SPATA9: variants seen among roughly 807,000 people sequenced by gnomAD.
SPATA9 encodes spermatogenesis associated 9.
Under a neutral mutation model 25.5 loss-of-function variants are expected in SPATA9, and 27 were observed. The observed-to-expected ratio is 1.06, with a 90% CI of 0.78 to 1.46. The LOEUF (loss-of-function observed/expected upper bound fraction) is 1.46. Ranked by LOEUF, SPATA9 falls within the 40% of genes most tolerant of loss-of-function variation. The pLI is 0.00. For missense variants in SPATA9, 282 were observed against 297.5 expected (o/e 0.95, Z 0.38); for synonymous variants, 102 against 105.7 (o/e 0.97, Z 0.21).
intron 2 of SPATA9, among the ~76,000 whole-genome samples, chr5:95,678,743 G>A (rs987073290): frequency 6.6e-6 from 1 of 152,206 alleles, no homozygotes; most frequent in African/African-American, 2.4e-5. Context: ...AAAATTTGCC[G>A]CACTTACAAT....
chr5:95,716,239 A>G, the SPATA9 span, among the ~76,000 whole-genome samples: 1 of 152,198 alleles, frequency 6.6e-6, no homozygotes, highest in Non-Finnish European at 1.5e-5. Flanking sequence ...GCACCTAGAA[A>G]AGCCACAGAC....
intron 1 of SPATA9, among the ~76,000 whole-genome samples, chr5:95,693,832 G>T (rs1561420502): frequency 6.6e-6 from 1 of 152,082 alleles, no homozygotes. Context: ...AATCTTCCAT[G>T]TTGGAAATAG....
At chr5:95,708,555 A>AT in the SPATA9 span, 1 of 695,770 alleles carries the variant, frequency 1.4e-6, no homozygotes, top group Non-Finnish European at 2.6e-6. Flanking sequence ...AGAAAAACTG[A>AT]TAAGTATCTC....
At chr5:95,704,082 AAC>A in the SPATA9 span, among the ~76,000 whole-genome samples, 1 of 150,290 alleles carries the variant, frequency 6.7e-6, no homozygotes, top group Admixed American at 6.6e-5. Flanking sequence ...CACACACACA[AAC>A]ACACAGTCTC....
chr5:95,732,024 C>G, the SPATA9 span: 1 of 1,614,192 alleles, frequency 6.2e-7, no homozygotes, highest in Non-Finnish European at 8.5e-7. Context: ...CGGTGTTCAC[C>G]GAGTATCAGG....
At chr5:95,720,258 G>C in the SPATA9 span, among the ~76,000 whole-genome samples, 1 of 152,318 alleles carries the variant, frequency 6.6e-6, no homozygotes, top group Non-Finnish European at 1.5e-5. Flanking sequence ...AGGCCAGCCT[G>C]AGCAGCCCAG....
intron 1 of SPATA9, among the ~76,000 whole-genome samples, chr5:95,695,239 C>T (rs1232644915): frequency 6.6e-6 from 1 of 152,192 alleles, no homozygotes; most frequent in Non-Finnish European, 1.5e-5. Flanking sequence ...TAATGTCCTG[C>T]AGCTTTACCA....
the SPATA9 span, among the ~76,000 whole-genome samples, chr5:95,704,150 A>G: frequency 6.6e-6 from 1 of 152,216 alleles, no homozygotes; most frequent in Non-Finnish European, 1.5e-5. Context: ...TTGACCTTGG[A>G]AATAGTTTTC....
chr5:95,697,194 C>T (rs1445648068), intron 1 of SPATA9, among the ~76,000 whole-genome samples: 3 of 152,164 alleles, frequency 2.0e-5, no homozygotes, highest in Non-Finnish European at 4.4e-5. Flanking sequence ...AAACTGTTGG[C>T]TGGGCTATGG....
chr5:95,719,282 A>T, the SPATA9 span, among the ~76,000 whole-genome samples: 1 of 152,154 alleles, frequency 6.6e-6, no homozygotes, highest in Non-Finnish European at 1.5e-5. Flanking sequence ...ATCTCAGAAG[A>T]ACAGAAGTGC....
chr5:95,716,508 C>T, the SPATA9 span, among the ~76,000 whole-genome samples: 2 of 152,260 alleles, frequency 1.3e-5, no homozygotes, highest in East Asian at 3.8e-4. Flanking sequence ...AATGTCTGTA[C>T]CCCCATTGTA....
At chr5:95,710,526 G>T in the SPATA9 span, among the ~76,000 whole-genome samples, 25 of 152,248 alleles carry the variant, frequency 1.6e-4, no homozygotes, top group Non-Finnish European at 3.5e-4. Context: ...CAGAGGCCAC[G>T]GGATCCAGTC....
intron 4 of SPATA9, chr5:95,659,637 G>C (rs1751074458): frequency 6.6e-6 from 1 of 152,088 alleles, no homozygotes; most frequent in South Asian, 2.1e-4. Flanking sequence ...ATGCCTCAAG[G>C]TAATATAAAA....
intron 3 of SPATA9, among the ~76,000 whole-genome samples, chr5:95,665,427 T>A (rs943486792): frequency 6.6e-6 from 1 of 152,182 alleles, no homozygotes; most frequent in Non-Finnish European, 1.5e-5. Flanking sequence ...ATGTACCAAC[T>A]TTTTGTTGTT....
chr5:95,705,341 T>G, the SPATA9 span, among the ~76,000 whole-genome samples: 2,433 of 152,244 alleles, frequency 0.016, 64 homozygotes, highest in African/African-American at 0.056. Context: ...GGATAAAGTT[T>G]CAACGTGAAT....
chr5:95,689,149 A>C (rs949999628), intron 1 of SPATA9, among the ~76,000 whole-genome samples: 3 of 152,208 alleles, frequency 2.0e-5, no homozygotes, highest in African/African-American at 4.8e-5. Flanking sequence ...ACATCCCAAC[A>C]ACACGATATG....
chr5:95,659,598 G>A (rs1210483979), intron 4 of SPATA9: 1 of 152,008 alleles, frequency 6.6e-6, no homozygotes, highest in African/African-American at 2.4e-5. Context: ...AATATGAGAA[G>A]ACTTAAACCA....
intron 1 of SPATA9, among the ~76,000 whole-genome samples, chr5:95,691,642 C>A (rs1753894683): frequency 6.6e-6 from 1 of 152,252 alleles, no homozygotes; most frequent in East Asian, 1.9e-4. Context: ...CAAGGAGTTA[C>A]AAAAGATATT....
At chr5:95,662,167 CA>C (rs2112559364) in intron 4 of SPATA9, among the ~76,000 whole-genome samples, 1 of 151,808 alleles carries the variant, frequency 6.6e-6, no homozygotes, top group South Asian at 2.1e-4. Context: ...TATTCTAGGA[CA>C]ATAGAAAAAG....
Sources: allele counts gnomAD v4.1 joint callset (sites outside exome capture counted in the v4.1 genomes callset), GRCh38; gene constraint gnomAD v4.1.1; transcripts MANE v1.5; gene names NCBI Gene and HGNC (gene_info 2026-07-23, HGNC 2026-07-21).